PXDNL: variants seen among roughly 807,000 people sequenced by gnomAD.
PXDNL encodes probable oxidoreductase PXDNL.
PXDNL carries 145 observed loss-of-function variants against 150.8 expected under a neutral mutation model. That is an observed-to-expected ratio of 0.96 (90% CI 0.84 to 1.10). The LOEUF is 1.10. Ranked by LOEUF, PXDNL falls within the 50% of genes least tolerant of loss-of-function variation. The pLI is 0.00. For synonymous variants in PXDNL, 757 were observed against 725.7 expected, an observed-to-expected ratio of 1.04 and a Z score of -0.69; for missense variants, 2,087 against 1,873.9, an observed-to-expected ratio of 1.11 and a Z score of -2.10.
At chr8:51,517,004 G>A (rs1811554538) in intron 4 of PXDNL, among the ~76,000 whole-genome samples, 2 of 152,126 alleles carry the variant, frequency 1.3e-5, no homozygotes, top group Non-Finnish European at 2.9e-5. Context: ...AGCATGTTCT[G>A]TATATTCTTC....
intron 20 of PXDNL, among the ~76,000 whole-genome samples, chr8:51,342,277 T>TA (rs571956664): frequency 6.6e-6 from 1 of 152,012 alleles, no homozygotes; most frequent in South Asian, 2.1e-4. Context: ...AGTACTCAAT[T>TA]AAAAAATAGG....
chr8:51,441,917 T>C (rs1413604560), intron 12 of PXDNL, among the ~76,000 whole-genome samples: 1 of 152,030 alleles, frequency 6.6e-6, no homozygotes, highest in Non-Finnish European at 1.5e-5. Flanking sequence ...AATACACACA[T>C]GAAGCCTGGG....
chr8:51,497,345 A>G (rs1332637262), intron 5 of PXDNL, among the ~76,000 whole-genome samples: 1 of 152,198 alleles, frequency 6.6e-6, no homozygotes, highest in Non-Finnish European at 1.5e-5. Flanking sequence ...AAGAAAACCT[A>G]GGCAATACCA....
In PXDNL at chr8:51,562,574, A is replaced by G. The variant is rs76999421; in HGVS notation, c.309-5663T>C. Among the ~76,000 whole-genome samples the G allele has an allele frequency of 1.5e-3, 231 of 151,888 alleles. 1 individual carries two copies. Among genetic ancestry groups the G allele is most frequent in the African/African-American group, 5.1e-3 (212 of 41,450 alleles). On this transcript the variant is annotated intron_variant, in intron 3 of 22. Coordinates refer to ENST00000356297, the MANE Select transcript of PXDNL (RefSeq NM_144651.5). ...ACTCCACCCTCTCAGTGTAGATAAA[A>G]CTTATTGGGCTTTTGGACCAAGGAG...
chr8:51,789,019 C>T (rs2037485897), intron 1 of PXDNL, among the ~76,000 whole-genome samples: 1 of 152,078 alleles, frequency 6.6e-6, no homozygotes, highest in Admixed American at 6.5e-5. Flanking sequence ...TTTCCTTTTT[C>T]TTTTTCTTTT....
At chr8:51,602,164 G>A (rs989892578) in intron 2 of PXDNL, among the ~76,000 whole-genome samples, 1 of 151,578 alleles carries the variant, frequency 6.6e-6, no homozygotes, top group Non-Finnish European at 1.5e-5. Context: ...CCTTGGTGAT[G>A]TTTGTTTTGT....
At chr8:51,671,262 C>T (rs1004253940) in intron 1 of PXDNL, among the ~76,000 whole-genome samples, 7 of 152,156 alleles carry the variant, frequency 4.6e-5, no homozygotes, top group Admixed American at 1.3e-4. Flanking sequence ...CCAATGTTTT[C>T]GTGGGTACAC....
intron 18 of PXDNL, among the ~76,000 whole-genome samples, chr8:51,372,922 G>A (rs1807171125): frequency 6.6e-6 from 1 of 152,070 alleles, no homozygotes; most frequent in African/African-American, 2.4e-5. Flanking sequence ...CAATCCTTGG[G>A]TTCATTCATT....
intron 4 of PXDNL, among the ~76,000 whole-genome samples, chr8:51,525,367 G>A (rs1811748129): frequency 6.6e-6 from 1 of 152,142 alleles, no homozygotes; most frequent in South Asian, 2.1e-4. Flanking sequence ...ATACAGAAAA[G>A]TGCATTAACA....
intron 2 of PXDNL, among the ~76,000 whole-genome samples, chr8:51,650,101 C>CAAAAAA (rs11451376): frequency 2.6e-5 from 3 of 113,336 alleles, no homozygotes; most frequent in African/African-American, 1.0e-4. Context: ...GACTTTGTCT[C>CAAAAAA]AAAAAAAAAA....
chr8:51,616,171 G>C (rs1814125978), intron 2 of PXDNL, among the ~76,000 whole-genome samples: 2 of 152,190 alleles, frequency 1.3e-5, no homozygotes, highest in Non-Finnish European at 2.9e-5. Context: ...CACATTCAGG[G>C]ACCAACAGAC....
chr8:51,455,271 G>A (rs1157833849), intron 9 of PXDNL, among the ~76,000 whole-genome samples: 7 of 152,066 alleles, frequency 4.6e-5, no homozygotes, highest in Admixed American at 4.6e-4. Flanking sequence ...TGTGGAAGAA[G>A]GAGTAGCACT....
chr8:51,661,546 T>C (rs9643785), intron 1 of PXDNL, among the ~76,000 whole-genome samples: 101,007 of 152,190 alleles, frequency 0.66, 34,045 homozygotes, highest in Non-Finnish European at 0.72. Context: ...AGGGAAGCTG[T>C]CCTCAGACTG....
intron 5 of PXDNL, among the ~76,000 whole-genome samples, chr8:51,495,458 C>T (rs200865900): frequency 1.3e-5 from 2 of 151,922 alleles, no homozygotes; most frequent in East Asian, 1.9e-4. Context: ...AATAGAGACA[C>T]AAAAAACCCT....
intron 4 of PXDNL, among the ~76,000 whole-genome samples, chr8:51,540,314 T>C (rs924804675): frequency 6.6e-6 from 1 of 152,184 alleles, no homozygotes; most frequent in Non-Finnish European, 1.5e-5. Flanking sequence ...AGGTAGAAGA[T>C]TGCATCACTG....
chr8:51,674,517 A>G (rs1187232937), intron 1 of PXDNL, among the ~76,000 whole-genome samples: 1 of 152,212 alleles, frequency 6.6e-6, no homozygotes, highest in Non-Finnish European at 1.5e-5. Context: ...CACTTAACAT[A>G]AGTGACTATG....
chr8:51,658,141 G>A (rs895950708), intron 1 of PXDNL, among the ~76,000 whole-genome samples: 2 of 151,890 alleles, frequency 1.3e-5, no homozygotes, highest in Non-Finnish European at 2.9e-5. Flanking sequence ...ACAGGAGTTC[G>A]AGACCAGCCT....
At chr8:51,788,361 A>C (rs2037479411) in intron 1 of PXDNL, among the ~76,000 whole-genome samples, 1 of 152,204 alleles carries the variant, frequency 6.6e-6, no homozygotes, top group African/African-American at 2.4e-5. Flanking sequence ...AATTCTCCAA[A>C]GGAAAGTCCC....
chr8:51,332,701 T>C (rs947602118), intron 21 of PXDNL, among the ~76,000 whole-genome samples: 5 of 151,914 alleles, frequency 3.3e-5, no homozygotes, highest in African/African-American at 9.7e-5. Context: ...CTCTGGAAAG[T>C]CTCAGCAATA....
Sources: allele counts gnomAD v4.1 joint callset (sites outside exome capture counted in the v4.1 genomes callset), GRCh38; gene constraint gnomAD v4.1.1; transcripts MANE v1.5; gene names NCBI Gene and HGNC (gene_info 2026-07-23, HGNC 2026-07-21).